SV2C: variants seen among roughly 807,000 people sequenced by gnomAD.
The protein encoded by SV2C is synaptic vesicle glycoprotein 2C, also known as solute carrier family 22 member B3.
A neutral mutation model predicts 79.7 loss-of-function variants in SV2C; 49 were observed. That is an observed-to-expected ratio of 0.61 (90% CI 0.49 to 0.78). The LOEUF is 0.78. SV2C is among the 30% of genes least tolerant of loss of function. The pLI is 0.00. For synonymous variants in SV2C, 334 were observed against 333.2 expected, an observed-to-expected ratio of 1.00 and a Z score of -0.03; for missense variants, 833 against 912.9, an observed-to-expected ratio of 0.91 and a Z score of 1.13.
At chr5:76,165,232 A>G (rs1743011510) in intron 2 of SV2C, among the ~76,000 whole-genome samples, 1 of 152,180 alleles carries the variant, frequency 6.6e-6, no homozygotes, top group African/African-American at 2.4e-5. Flanking sequence ...GCTTCCCCCA[A>G]TGATAATATC....
At chr5:75,983,362 A>C in the SV2C span, among the ~76,000 whole-genome samples, 2 of 152,130 alleles carry the variant, frequency 1.3e-5, no homozygotes, top group Non-Finnish European at 2.9e-5. Context: ...ATTGAGGGAA[A>C]AAATATAAGT....
At chr5:76,254,500 T>G (rs12654150) in intron 4 of SV2C, among the ~76,000 whole-genome samples, 43,316 of 151,926 alleles carry the variant, frequency 0.29, 6,771 homozygotes, top group South Asian at 0.47. Flanking sequence ...CTTTTAGCCC[T>G]TATGAACTGC....
At chr5:75,979,273 A>G in the SV2C span, among the ~76,000 whole-genome samples, 1 of 152,150 alleles carries the variant, frequency 6.6e-6, no homozygotes, top group Non-Finnish European at 1.5e-5. Context: ...ACTTCCATAT[A>G]GTAATAGTGG....
intron 1 of SV2C, among the ~76,000 whole-genome samples, chr5:76,093,190 A>C (rs1747436230): frequency 6.6e-6 from 1 of 152,150 alleles, no homozygotes; most frequent in Non-Finnish European, 1.5e-5. Context: ...CTAATGCCCC[A>C]GAGGTCCCTT....
intron 4 of SV2C, among the ~76,000 whole-genome samples, chr5:76,216,996 T>G (rs1391434128): frequency 1.3e-5 from 2 of 152,228 alleles, no homozygotes; most frequent in African/African-American, 2.4e-5. Context: ...TCCCCTGCTG[T>G]GTGCATTACA....
At chr5:76,316,180 C>T (rs2972850) in intron 12 of SV2C, among the ~76,000 whole-genome samples, 13,992 of 152,150 alleles carry the variant, frequency 0.092, 704 homozygotes, top group Admixed American at 0.14. Context: ...ATTTATATGA[C>T]TGGAAGTACA....
At chr5:76,172,865 C>T (rs2112279581) in intron 2 of SV2C, among the ~76,000 whole-genome samples, 1 of 94,552 alleles carries the variant, frequency 1.1e-5, no homozygotes, top group South Asian at 3.7e-4. Context: ...CGTTAAGAGT[C>T]ATCACCAATC....
intron 2 of SV2C, among the ~76,000 whole-genome samples, chr5:76,181,077 C>T (rs1433621911): frequency 7.8e-6 from 1 of 127,672 alleles, no homozygotes; most frequent in African/African-American, 3.3e-5. Context: ...TGGTGTTACA[C>T]TTTCCATTGC....
chr5:76,033,420 T>A, the SV2C span, among the ~76,000 whole-genome samples: 4 of 152,226 alleles, frequency 2.6e-5, no homozygotes, highest in Admixed American at 1.3e-4. Flanking sequence ...GAATTAATTT[T>A]TGTATAAGGT....
At chr5:76,174,626 A>G (rs1438620424) in intron 2 of SV2C, among the ~76,000 whole-genome samples, 3 of 152,226 alleles carry the variant, frequency 2.0e-5, no homozygotes, top group Non-Finnish European at 4.4e-5. Context: ...CAAATTTTTT[A>G]GGCCACCTGT....
At chr5:76,290,089 GAAAAAAA>G (rs70979390) in intron 6 of SV2C, among the ~76,000 whole-genome samples, 1 of 150,880 alleles carries the variant, frequency 6.6e-6, no homozygotes, top group Non-Finnish European at 1.5e-5. Flanking sequence ...AAAAAGAAAA[GAAAAAAA>G]AACTTTTTAA....
At chr5:75,869,223 T>C in the SV2C span, among the ~76,000 whole-genome samples, 26 of 152,126 alleles carry the variant, frequency 1.7e-4, no homozygotes, top group African/African-American at 5.5e-4. Context: ...GGGGTCCTGA[T>C]TGGCTCTTGG....
the SV2C span, among the ~76,000 whole-genome samples, chr5:76,037,773 C>A: frequency 5.9e-5 from 9 of 152,246 alleles, no homozygotes; most frequent in Non-Finnish European, 1.3e-4. Flanking sequence ...GTGGGCTCCA[C>A]CCTTGGAGCT....
chr5:76,190,282 A>G (rs1744056397), intron 2 of SV2C, among the ~76,000 whole-genome samples: 2 of 152,236 alleles, frequency 1.3e-5, no homozygotes. Context: ...CTCAACTCCT[A>G]GTACAAAAAG....
chr5:75,965,722 T>C, the SV2C span, among the ~76,000 whole-genome samples: 3 of 152,190 alleles, frequency 2.0e-5, no homozygotes, highest in African/African-American at 7.2e-5. Flanking sequence ...TTTTGACAAG[T>C]TTATTCTAGA....
intron 8 of SV2C, among the ~76,000 whole-genome samples, chr5:76,292,086 G>A (rs1230372732): frequency 2.0e-5 from 3 of 152,078 alleles, no homozygotes; most frequent in Admixed American, 2.0e-4. Flanking sequence ...AATCCAGTAA[G>A]GCCCTGGATG....
At chr5:76,163,411 C>T (rs1236521180) in intron 2 of SV2C, among the ~76,000 whole-genome samples, 1 of 152,218 alleles carries the variant, frequency 6.6e-6, no homozygotes, top group African/African-American at 2.4e-5. Context: ...CAGCTAATCT[C>T]TCTTCTAATC....
intron 4 of SV2C, among the ~76,000 whole-genome samples, chr5:76,277,462 CTG>C (rs1451120393): frequency 2.6e-5 from 4 of 152,208 alleles, no homozygotes; most frequent in Non-Finnish European, 5.9e-5. Flanking sequence ...TAAATCTCGA[CTG>C]TAACGCAAAG....
the SV2C span, among the ~76,000 whole-genome samples, chr5:75,887,775 C>T: frequency 6.6e-6 from 1 of 152,166 alleles, no homozygotes; most frequent in South Asian, 2.1e-4. Flanking sequence ...CAAAACCCCC[C>T]AAAAACCAAG....
Sources: allele counts gnomAD v4.1 joint callset (sites outside exome capture counted in the v4.1 genomes callset), GRCh38; gene constraint gnomAD v4.1.1; transcripts MANE v1.5; gene names NCBI Gene and HGNC (gene_info 2026-07-23, HGNC 2026-07-21).